MAP7: variants seen among roughly 807,000 people sequenced by gnomAD.
The protein encoded by MAP7 is microtubule associated protein 7.
In MAP7, 52 loss-of-function variants were observed where a neutral mutation model predicts 94.8. That is an observed-to-expected ratio of 0.55 (90% CI 0.44 to 0.69). The LOEUF is 0.69. Among genes scored for constraint, MAP7 ranks in the 30% least tolerant of loss-of-function variants. MAP7 has a pLI of 0.00. For synonymous variants in MAP7, 350 were observed against 357.0 expected, an observed-to-expected ratio of 0.98 and a Z score of 0.22; for missense variants, 940 against 964.6, an observed-to-expected ratio of 0.97 and a Z score of 0.34.
intron 1 of MAP7, among the ~76,000 whole-genome samples, chr6:136,477,701 T>G (rs984326455): frequency 6.6e-6 from 1 of 152,178 alleles, no homozygotes; most frequent in African/African-American, 2.4e-5. Context: ...ATGACACCAT[T>G]ACAGTAATAG....
At chr6:136,345,166 CT>C (rs1787332479) in intron 17 of MAP7, among the ~76,000 whole-genome samples, 1 of 152,194 alleles carries the variant, frequency 6.6e-6, no homozygotes, top group Non-Finnish European at 1.5e-5. Context: ...GATATTATGT[CT>C]TCTTTCTTTG....
chr6:136,502,908 G>C (rs1820219169), intron 1 of MAP7, among the ~76,000 whole-genome samples: 1 of 152,052 alleles, frequency 6.6e-6, no homozygotes. Flanking sequence ...TGGCTGAGCT[G>C]AAAGCAAAAC....
chr6:136,485,220 G>T (rs1178383568), intron 1 of MAP7, among the ~76,000 whole-genome samples: 1 of 152,030 alleles, frequency 6.6e-6, no homozygotes, highest in Non-Finnish European at 1.5e-5. Flanking sequence ...ACTCAATAAG[G>T]TCTCTAAACT....
At chr6:136,438,759 A>G (rs972390515) in intron 1 of MAP7, among the ~76,000 whole-genome samples, 1 of 152,218 alleles carries the variant, frequency 6.6e-6, no homozygotes, top group Non-Finnish European at 1.5e-5. Flanking sequence ...AATTTCTAGA[A>G]CCAAGACCTT....
intron 1 of MAP7, among the ~76,000 whole-genome samples, chr6:136,452,299 T>C (rs1801397478): frequency 6.6e-6 from 1 of 152,228 alleles, no homozygotes; most frequent in African/African-American, 2.4e-5. Context: ...TTTCTTAAGA[T>C]GGAAGCTACT....
intron 1 of MAP7, among the ~76,000 whole-genome samples, chr6:136,534,562 G>A (rs1828730156): frequency 6.6e-6 from 1 of 152,188 alleles, no homozygotes; most frequent in African/African-American, 2.4e-5. Flanking sequence ...GCGAACGAAA[G>A]CATGCCATTC....
At chr6:136,395,075 C>T (rs1017337169) in intron 3 of MAP7, among the ~76,000 whole-genome samples, 3 of 150,080 alleles carry the variant, frequency 2.0e-5, no homozygotes, top group Admixed American at 1.3e-4. Flanking sequence ...TTTCTTTGGG[C>T]TATATATCCA....
At chr6:136,400,171 C>T (rs1187449825) in intron 3 of MAP7, among the ~76,000 whole-genome samples, 1 of 152,066 alleles carries the variant, frequency 6.6e-6, no homozygotes, top group Non-Finnish European at 1.5e-5. Flanking sequence ...AATCCCAGCA[C>T]TTTGGGAGGC....
intron 1 of MAP7, among the ~76,000 whole-genome samples, chr6:136,480,640 TC>T (rs1812503738): frequency 4.3e-5 from 1 of 23,076 alleles, no homozygotes; most frequent in African/African-American, 1.5e-4. Flanking sequence ...AGACTCTGCC[TC>T]AAAAAAAAAA....
At chr6:136,353,677 C>G (rs1395389981) in intron 16 of MAP7, among the ~76,000 whole-genome samples, 2 of 152,148 alleles carry the variant, frequency 1.3e-5, no homozygotes, top group Admixed American at 6.5e-5. Flanking sequence ...CCTCAGCCCC[C>G]CAAGTAGCTG....
intron 1 of MAP7, among the ~76,000 whole-genome samples, chr6:136,454,275 C>CTATCTATCTATT (rs1802075878): frequency 7.3e-6 from 1 of 137,420 alleles, no homozygotes; most frequent in East Asian, 2.5e-4. Flanking sequence ...CCTAAATGAT[C>CTATCTATCTATT]TATCTATCTA....
chr6:136,346,572 C>G (rs922907527), intron 16 of MAP7, among the ~76,000 whole-genome samples: 3 of 151,964 alleles, frequency 2.0e-5, no homozygotes, highest in Non-Finnish European at 4.4e-5. Flanking sequence ...TAAACAACAA[C>G]AAAAAAATTT....
rs1473330189 is a variant in MAP7, at chr6:136,389,345, G to A, written c.408+9C>T. ...GAGCCACTCATATTCTTCCCGGGGGGCGGCTCACTTTGTCCTCCTCAAGTC... is the reference window on the plus strand; with the variant it reads ...GAGCCACTCATATTCTTCCCGGGGGACGGCTCACTTTGTCCTCCTCAAGTC... On this transcript the variant is annotated intron_variant, in intron 4 of 17. Transcript: ENST00000354570. The A allele has an allele frequency of 2.0e-6, 3 of 1,520,036 alleles. No homozygotes were observed. Among genetic ancestry groups the A allele is most frequent in the Non-Finnish European group, 2.6e-6 (3 of 1,139,568 alleles). 94.2% of individuals were successfully genotyped at this position (1,520,036 alleles called of 1,614,324 possible). A position where few individuals can be genotyped will look rare whatever the true frequency, so the allele number is the denominator to read the frequency against.
At position 136,431,962 on chromosome 6, in the gene MAP7, C is replaced by T. The variant is rs180820334; in HGVS notation, c.68-10163G>A. On this transcript the variant is annotated intron_variant, in intron 1 of 17. Coordinates refer to ENST00000354570, the MANE Select transcript of MAP7 (RefSeq NM_003980.6). ...CTGGTGTGTGAATTTATTTGCTCTA[C>T]ACCTCTCCTTTTCTTCCTGCTTTGA... Among the ~76,000 whole-genome samples, 3 of 152,302 alleles carry T rather than the reference C, an allele frequency of 2.0e-5. No individual in the cohort carries two copies. The East Asian group carries it at 5.8e-4, about 29-fold the overall frequency.
intron 8 of MAP7, among the ~76,000 whole-genome samples, chr6:136,370,166 A>C (rs1795246305): frequency 1.3e-5 from 2 of 152,230 alleles, no homozygotes; most frequent in Non-Finnish European, 2.9e-5. Context: ...CAAGCATATG[A>C]AAATATGTTC....
intron 16 of MAP7, among the ~76,000 whole-genome samples, chr6:136,354,416 TA>T (rs1418894510): frequency 6.9e-6 from 1 of 144,478 alleles, no homozygotes; most frequent in East Asian, 2.0e-4. Context: ...TAGATATATA[TA>T]AAAATATATA....
chr6:136,359,158 C>CA (rs200050947), intron 15 of MAP7, among the ~76,000 whole-genome samples: 36 of 149,950 alleles, frequency 2.4e-4, no homozygotes, highest in African/African-American at 6.1e-4. Context: ...TTATAATCTC[C>CA]AAAAAAAAAT....
rs1480348673 is a variant in MAP7 at position 136,421,748 on chromosome 6, G to T, written c.119C>A (p.Ala40Asp). 6.2e-7 allele frequency: 1 copy of T among 1,614,044 alleles called. No homozygotes were observed. The highest frequency in any genetic ancestry group is 1.7e-5 in the Admixed American group (1 of 60,008). Residue 40 changes from alanine to aspartate, a missense_variant, in exon 2 of 18, where the codon GCC becomes GAC. By Grantham distance (126) the Ala-to-Asp change is moderately radical. Coordinates refer to ENST00000354570, the MANE Select transcript of MAP7 (RefSeq NM_003980.6). ...GTTATTTTGTCCTGAAATTGCAGAGGCAGGGCGGCTGGAGGCATTTTTCTT... is the reference window on the plus strand; with the variant it reads ...GTTATTTTGTCCTGAAATTGCAGAGTCAGGGCGGCTGGAGGCATTTTTCTT... ...QDKKNASSRP[A>D]SAISGQNNNH...
intron 3 of MAP7, among the ~76,000 whole-genome samples, chr6:136,404,425 A>G (rs2128719764): frequency 6.6e-6 from 1 of 151,886 alleles, no homozygotes; most frequent in South Asian, 2.1e-4. Flanking sequence ...CTCACATATA[A>G]TTTAACCAAA....
Sources: allele counts gnomAD v4.1 joint callset (sites outside exome capture counted in the v4.1 genomes callset), GRCh38; gene constraint gnomAD v4.1.1; transcripts MANE v1.5; gene names NCBI Gene and HGNC (gene_info 2026-07-23, HGNC 2026-07-21).